The following ADCY8 variants were observed in gnomAD, a reference collection of about 807,000 sequenced individuals.
ADCY8 encodes the protein adenylate cyclase 8.
In ADCY8, 51 loss-of-function variants were observed where a neutral mutation model predicts 119.7. The ratio of observed to expected loss-of-function variants is 0.43; its 90% CI spans 0.34 to 0.54. ADCY8 has a LOEUF of 0.54. ADCY8 is among the 20% of genes least tolerant of loss of function. ADCY8 has a pLI of 0.03. For missense variants in ADCY8, 1,383 were observed against 1,598.8 expected (o/e 0.87, Z 2.30); for synonymous variants, 665 against 651.0 (o/e 1.02, Z -0.33).
At chr8:130,979,385 A>T (rs1038515046) in intron 2 of ADCY8, among the ~76,000 whole-genome samples, 6 of 152,198 alleles carry the variant, frequency 3.9e-5, no homozygotes, top group African/African-American at 1.4e-4. Context: ...TGATCACATT[A>T]CAGTCCTGTT....
intron 15 of ADCY8, among the ~76,000 whole-genome samples, chr8:130,796,082 C>T (rs574089042): frequency 2.6e-5 from 4 of 152,316 alleles, no homozygotes; most frequent in African/African-American, 9.6e-5. Flanking sequence ...TAACTACTTT[C>T]CCCCAGCTTT....
Position 130,907,405 on chromosome 8 carries a change from G to C in ADCY8, c.1640+2303C>G, listed in dbSNP as rs578101361. Among the ~76,000 whole-genome samples the C allele has an allele frequency of 2.8e-4, 43 of 152,284 alleles. 2 individuals are homozygous for C. The highest frequency in any genetic ancestry group is 9.7e-4 in the East Asian group (5 of 5,180). ...CAATATCAAACCATGGTGAGTCTGG[G>C]GTCCCGTTTTGACATTCCTGCATTT... On this transcript the variant is annotated intron_variant, in intron 6 of 17. Transcript: ENST00000286355.
chr8:130,995,342 C>T (rs1270294024), intron 1 of ADCY8, among the ~76,000 whole-genome samples: 4 of 152,154 alleles, frequency 2.6e-5, no homozygotes, highest in African/African-American at 7.2e-5. Flanking sequence ...TTTTTAAATG[C>T]ACAGACACAC....
At chr8:130,984,655 C>T (rs990412428) in intron 2 of ADCY8, among the ~76,000 whole-genome samples, 1 of 151,890 alleles carries the variant, frequency 6.6e-6, no homozygotes, top group Non-Finnish European at 1.5e-5. Flanking sequence ...TTAAACCAGG[C>T]AGTGCTAGTA....
At chr8:131,007,943 T>G (rs1333589088) in intron 1 of ADCY8, among the ~76,000 whole-genome samples, 1 of 152,170 alleles carries the variant, frequency 6.6e-6, no homozygotes, top group Admixed American at 6.5e-5. Flanking sequence ...TTATTGAATA[T>G]CTACTGTGTC....
At chr8:131,005,541 C>T (rs1823088946) in intron 1 of ADCY8, among the ~76,000 whole-genome samples, 1 of 152,168 alleles carries the variant, frequency 6.6e-6, no homozygotes, top group African/African-American at 2.4e-5. Context: ...AAAAACTGCC[C>T]TTCTGTGTCC....
intron 15 of ADCY8, among the ~76,000 whole-genome samples, chr8:130,788,375 A>G (rs1247476179): frequency 6.6e-6 from 1 of 152,214 alleles, no homozygotes; most frequent in East Asian, 1.9e-4. Flanking sequence ...TGGTAAGTGA[A>G]ATAAGCCAGG....
intron 2 of ADCY8, among the ~76,000 whole-genome samples, chr8:130,983,886 A>G (rs1822315238): frequency 6.6e-6 from 1 of 152,226 alleles, no homozygotes; most frequent in South Asian, 2.1e-4. Flanking sequence ...CAAAGCAGCC[A>G]CTTTATTATT....
intron 5 of ADCY8, among the ~76,000 whole-genome samples, chr8:130,913,443 G>A (rs1271260064): frequency 6.6e-6 from 1 of 152,054 alleles, no homozygotes; most frequent in Non-Finnish European, 1.5e-5. Flanking sequence ...AACATGTGAT[G>A]TTTGTCTGGA....
chr8:130,973,684 C>T (rs1016749059), intron 2 of ADCY8, among the ~76,000 whole-genome samples: 3 of 152,152 alleles, frequency 2.0e-5, no homozygotes, highest in Admixed American at 1.3e-4. Flanking sequence ...AATGAATTAA[C>T]ACATATGGAA....
chr8:130,929,800 G>A (rs551348992), intron 5 of ADCY8, among the ~76,000 whole-genome samples: 1 of 152,112 alleles, frequency 6.6e-6, no homozygotes, highest in African/African-American at 2.4e-5. Context: ...TATTTGCCTT[G>A]TATTTTTAGG....
At chr8:130,814,325 C>A in intron 13 of ADCY8, 98 bp from the exon 14 acceptor site, 1 of 1,304,816 alleles carries the variant, frequency 7.7e-7, no homozygotes, top group Non-Finnish European at 1.1e-6. Flanking sequence ...TTCTCTGGAA[C>A]TCTTCACAAA....
rs760520118 is a variant in ADCY8 at position 130,816,451 on chromosome 8, A to G, written c.2755-2224T>C. On this transcript the variant is annotated intron_variant, in intron 13 of 17. Transcript: ENST00000286355. ...TCTTTTTTTTTTTTTTTTGAGACAG[A>G]GTCTCGCTCTGTCGCCCAGGCTGGA... 6.7e-4 allele frequency among the ~76,000 whole-genome samples: 85 copies of G among 126,566 alleles called. 1 individual carries two copies. Among genetic ancestry groups the G allele is most frequent in the Middle Eastern group, 5.4e-3 (1 of 186 alleles). 83.0% of individuals were successfully genotyped at this position (126,566 alleles called of 152,430 possible).
intron 2 of ADCY8, among the ~76,000 whole-genome samples, chr8:130,956,368 G>T (rs139890239): frequency 6.6e-6 from 1 of 152,162 alleles, no homozygotes; most frequent in South Asian, 2.1e-4. Context: ...ACTACAATGC[G>T]TGCTACTGTT....
intron 1 of ADCY8, among the ~76,000 whole-genome samples, chr8:131,011,424 A>T (rs891582994): frequency 1.3e-5 from 2 of 152,088 alleles, no homozygotes; most frequent in African/African-American, 4.8e-5. Flanking sequence ...TATGGATGGG[A>T]CCTGAAAGAA....
intron 2 of ADCY8, among the ~76,000 whole-genome samples, chr8:130,980,932 C>G (rs1015166394): frequency 1.3e-5 from 2 of 152,346 alleles, no homozygotes; most frequent in South Asian, 2.1e-4. Flanking sequence ...AGGCTGTCAA[C>G]AGTATACACT....
Position 130,814,201 on chromosome 8 carries a change from G to A in ADCY8, c.2781C>T (p.Phe927=), listed in dbSNP as rs1816265560. 6.2e-7 allele frequency: 1 copy of A among 1,614,098 alleles called. No homozygotes were observed. The highest frequency in any genetic ancestry group is 8.5e-7 in the Non-Finnish European group (1 of 1,180,014). Residue 927 remains phenylalanine, a synonymous_variant, in exon 14 of 18, where the codon TTC becomes TTT. Transcript: ENST00000286355. ...CCTCTTTGGCCTGTACTCGCCAAAG[G>A]AAGTCCAGGCGGGCTGTGTACTCCA... ...QQLEYTARLD[F]LWRVQAKEEI... is the part of the protein sequence containing the mutation.
intron 1 of ADCY8, among the ~76,000 whole-genome samples, chr8:130,995,713 T>A (rs1822751945): frequency 6.6e-6 from 1 of 152,168 alleles, no homozygotes; most frequent in Non-Finnish European, 1.5e-5. Context: ...CTTGGCTTTA[T>A]TATAGTTTTC....
intron 8 of ADCY8, among the ~76,000 whole-genome samples, chr8:130,874,363 C>A (rs2130423013): frequency 6.8e-6 from 1 of 147,292 alleles, no homozygotes; most frequent in African/African-American, 2.5e-5. Flanking sequence ...ATAAAATACA[C>A]CATTTGGATA....
Sources: gnomAD v4.1 joint callset for allele counts (sites outside exome capture counted in the v4.1 genomes callset) on GRCh38, gnomAD v4.1.1 for gene constraint, MANE v1.5 for transcripts, NCBI Gene and HGNC (gene_info 2026-07-23, HGNC 2026-07-21) for gene names.